ABCF2: variants seen among roughly 807,000 people sequenced by gnomAD.
ABCF2 encodes ATP binding cassette subfamily F member 2.
A neutral mutation model predicts 76.9 loss-of-function variants in ABCF2; 37 were observed. That is an observed-to-expected ratio of 0.48 (90% confidence interval 0.37 to 0.63). The LOEUF is 0.63. Ranked by LOEUF, ABCF2 falls within the 30% of genes least tolerant of loss-of-function variation. The pLI, the probability that ABCF2 is intolerant of heterozygous loss-of-function variation, is 0.00. For synonymous variants in ABCF2, 299 were observed against 283.7 expected, an observed-to-expected ratio of 1.05 and a Z score of -0.54; for missense variants, 524 against 782.1, an observed-to-expected ratio of 0.67 and a Z score of 3.94.
chr7:151,221,747 G>C, intron 6 of ABCF2, 67 bp from the exon 7 acceptor site: 1 of 1,210,722 alleles, frequency 8.3e-7, no homozygotes, highest in Non-Finnish European at 1.2e-6. Flanking sequence ...CAGGTGAACT[G>C]AAAGTCAGGC....
chr7:151,217,160 T>C (rs1189624312), intron 11 of ABCF2, among the ~76,000 whole-genome samples: 1 of 152,212 alleles, frequency 6.6e-6, no homozygotes, highest in African/African-American at 2.4e-5. Flanking sequence ...TTTAGGATCA[T>C]GGGCAGCTGG....
At chr7:151,226,710 G>A in intron 1 of ABCF2, 1 of 413,422 alleles carries the variant, frequency 2.4e-6, no homozygotes, top group Non-Finnish European at 4.3e-6. Context: ...TCTTCCCACA[G>A]GCACCAGTCC....
Position 151,212,590 on chromosome 7 carries a change from G to T in ABCF2, c.*1464C>A. The T allele has an allele frequency of 1.4e-6, 1 of 711,148 alleles. No homozygotes were observed. Among genetic ancestry groups the T allele is most frequent in the Non-Finnish European group, 1.7e-6 (1 of 579,734 alleles). 44.1% of individuals were successfully genotyped at this position (711,148 alleles called of 1,614,324 possible). ...CTGCTCACTGCAGCCTCAACCTCCT[G>T]GGCTCAAGTGAGCCTCCTCTTATCA... On this transcript the variant is annotated 3_prime_UTR_variant, in exon 15 of 15. Transcript: ENST00000287844.
At chr7:151,226,839 C>T (rs1468735680) in intron 1 of ABCF2, 1 of 170,640 alleles carries the variant, frequency 5.9e-6, no homozygotes, top group African/African-American at 2.4e-5. Context: ...GCGCTCCGCA[C>T]TCAGCTAGCC....
At position 151,213,685 on chromosome 7, in the gene ABCF2, A is replaced by G; in HGVS notation, c.*369T>C. On this transcript the variant is annotated 3_prime_UTR_variant, in exon 15 of 15. Transcript: ENST00000287844. ...GGGGTACTCCTCCAACATCACCAAAACCCAGAAAACGAGGATCCTAAGCTC... is the reference window on the plus strand; with the variant it reads ...GGGGTACTCCTCCAACATCACCAAAGCCCAGAAAACGAGGATCCTAAGCTC... 9.6e-7 allele frequency: 1 copy of G among 1,037,434 alleles called. No individual in the cohort carries two copies. 64.3% of individuals were successfully genotyped at this position (1,037,434 alleles called of 1,614,324 possible).
At position 151,215,005 on chromosome 7, in the gene ABCF2, G is replaced by C. The variant is rs1802121844; in HGVS notation, c.1608C>G (p.His536Gln). 6.2e-7 allele frequency: 1 copy of C among 1,614,130 alleles called. No homozygotes were observed. Among genetic ancestry groups the C allele is most frequent in the Non-Finnish European group, 8.5e-7 (1 of 1,180,050 alleles). The change falls in exon 14 of 15, where the codon CAC (histidine) becomes CAG (glutamine). Residue 536 changes from histidine (H) to glutamine (Q), a missense_variant. Physicochemically the swap from His to Gln is conservative, Grantham distance 24 (BLOSUM62 0). This residue lies in a region of ABCF2 where 194 missense variants were observed against 348.6 expected (regional missense o/e 0.56). Coordinates refer to ENST00000287844, the MANE Select transcript of ABCF2 (RefSeq NM_007189.3). This position sits in a 1 kb window ranked among gnomAD's most constrained non-coding sequence, Gnocchi z 4.6. Reference sequence around the variant, plus strand: ...TGGTGGGTTCATCCAGGAAGAGCATGTGGGGGTTCTGCCAGGCCAGCCAGG... The same window carrying C: ...TGGTGGGTTCATCCAGGAAGAGCATCTGGGGGTTCTGCCAGGCCAGCCAGG... ...CLAWLAWQNP[H>Q]MLFLDEPTNH...
intron 5 of ABCF2, 91 bp from the exon 6 acceptor site, chr7:151,222,707 A>G: frequency 1.0e-6 from 1 of 994,166 alleles, no homozygotes; most frequent in Non-Finnish European, 1.5e-6. Context: ...TGCAATTCTG[A>G]GTAGGCTCCT....
At chr7:151,218,538 C>T (rs1288285036) in intron 10 of ABCF2, 23 bp downstream of exon 10, 20 of 1,603,818 alleles carry the variant, frequency 1.2e-5, no homozygotes, top group Admixed American at 1.7e-5. Flanking sequence ...ACCCCAGCCA[C>T]CCATGCCCTG....
At chr7:151,225,273 T>C (rs1275448721) in intron 2 of ABCF2, among the ~76,000 whole-genome samples, 1 of 152,246 alleles carries the variant, frequency 6.6e-6, no homozygotes, top group Non-Finnish European at 1.5e-5. Flanking sequence ...TTCTAATTGC[T>C]TTCTAAGTCC....
rs1454841447 is a variant in ABCF2 at position 151,215,038 on chromosome 7, C to T, written c.1575G>A (p.Val525=). Reference sequence around the variant, plus strand: ...TCTGCCAGGCCAGCCAGGCCAGACACACTCGGCACTTCTGCCCGTCTGACA... The same window carrying T: ...TCTGCCAGGCCAGCCAGGCCAGACATACTCGGCACTTCTGCCCGTCTGACA... ...RNLSDGQKCR[V]CLAWLAWQNP... is the part of the protein sequence containing the mutation. The change falls in exon 14 of 15, where the codon GTG becomes GTA. Residue 525 remains valine (V), a synonymous_variant. Coordinates refer to ENST00000287844, the MANE Select transcript of ABCF2 (RefSeq NM_007189.3). The surrounding 1 kb of genome is among the most constrained non-coding windows in gnomAD (Gnocchi z 4.6). 1 of 1,614,176 alleles carries T rather than the reference C, an allele frequency of 6.2e-7. No individual in the cohort carries two copies. Among genetic ancestry groups the T allele is most frequent in the East Asian group, 2.2e-5 (1 of 44,884 alleles).
At position 151,224,010 on chromosome 7, in the gene ABCF2, G is replaced by A. The variant is rs201610279; in HGVS notation, c.472C>T (p.Pro158Ser). 1.2e-5 allele frequency: 19 copies of A among 1,614,164 alleles called. No homozygotes were observed. In the Admixed American group the frequency reaches 3.2e-4, roughly 27 times the overall value. Reference sequence around the variant, plus strand: ...TCGACTTCCATCACACAATGCAAGGGTGTCTTGTCACTAGGGGGCATCTCT... The same window carrying A: ...TCGACTTCCATCACACAATGCAAGGATGTCTTGTCACTAGGGGGCATCTCT... Reference protein sequence around the residue: ...TREMPPSDKTPLHCVMEVDTE... With the variant: ...TREMPPSDKTSLHCVMEVDTE... The change falls in exon 4 of 15, where the codon CCC (proline) becomes TCC (serine). Residue 158 changes from proline (P) to serine (S), a missense_variant. Pro to Ser is a moderately conservative substitution (Grantham distance 74, BLOSUM62 -1). Coordinates refer to ENST00000287844, the MANE Select transcript of ABCF2 (RefSeq NM_007189.3).
intron 10 of ABCF2, 97 bp downstream of exon 10, chr7:151,218,464 C>A (rs1200612483): frequency 2.7e-5 from 30 of 1,108,282 alleles, no homozygotes; most frequent in Non-Finnish European, 3.7e-5. Flanking sequence ...AGCACGTGGG[C>A]TAGCAGGTGT....
Position 151,213,970 on chromosome 7 carries a change from C to G in ABCF2, c.*84G>C. 1 of 1,568,354 alleles carries G rather than the reference C, an allele frequency of 6.4e-7. No individual in the cohort carries two copies. The highest frequency in any genetic ancestry group is 8.6e-7 in the Non-Finnish European group (1 of 1,162,012). ...ATTGCAGCAATGCAGGAGTGTAGCCCCAGGGTCCTGTCCTGAGCGGCTGGT... is the reference window on the plus strand; with the variant it reads ...ATTGCAGCAATGCAGGAGTGTAGCCGCAGGGTCCTGTCCTGAGCGGCTGGT... On this transcript the variant is annotated 3_prime_UTR_variant, in exon 15 of 15. Transcript: ENST00000287844.
chr7:151,214,909 C>T lies in ABCF2; in HGVS notation c.1704G>A (p.Leu568=). The T allele has an allele frequency of 6.2e-7, 1 of 1,614,214 alleles. No homozygotes were observed. Residue 568 remains leucine, a synonymous_variant, in exon 14 of 15, where the codon CTG becomes CTA. Transcript: ENST00000287844. The surrounding 1 kb of genome is among the most constrained non-coding windows in gnomAD (Gnocchi z 4.9). ...AINEFEGGMM[L]VSHDFRLIQQ... ...GAATGAGTCTGAAGTCATGGCTGAC[C>T]AGCATCATACCACCCTCAAACTCAT...
At chr7:151,224,158 T>C (rs1802329437) in intron 3 of ABCF2, 44 bp from the exon 4 acceptor site, 1 of 1,594,678 alleles carries the variant, frequency 6.3e-7, no homozygotes. Flanking sequence ...TGAACTCCCC[T>C]ATCCCTCTTC....
intron 10 of ABCF2, 94 bp from the exon 11 acceptor site, chr7:151,218,285 AGAG>A (rs1367232327): frequency 1.8e-5 from 17 of 926,868 alleles, no homozygotes; most frequent in Non-Finnish European, 2.9e-5. Context: ...AGTCACCAAG[AGAG>A]GAGGAAGGGA....
rs138085673 is a variant in ABCF2, at chr7:151,213,491, AGAAG to A, written c.*559_*562del. On this transcript the variant is annotated 3_prime_UTR_variant, in exon 15 of 15. Coordinates refer to ENST00000287844, the MANE Select transcript of ABCF2 (RefSeq NM_007189.3). The stretch of plus-strand genomic sequence containing the variant: ...GGGAGGAGAAGGCCCCAGAGACCCG[AGAAG>A]GAAGGTAGGGACCGTGGCTTCCTCT... 1.0e-6 allele frequency: 1 copy of A among 985,784 alleles called. No individual in the cohort carries two copies. Among genetic ancestry groups the A allele is most frequent in the East Asian group, 1.1e-4 (1 of 8,814 alleles). 61.1% of individuals were successfully genotyped at this position (985,784 alleles called of 1,614,324 possible). A position where few individuals can be genotyped will look rare whatever the true frequency, so the allele number is the denominator to read the frequency against.
chr7:151,218,688 T>C, intron 9 of ABCF2, 38 bp from the exon 10 acceptor site: 1 of 1,613,540 alleles, frequency 6.2e-7, no homozygotes, highest in Non-Finnish European at 8.5e-7. Context: ...GTTGGCTCCT[T>C]TCTTATCCAC....
At position 151,215,796 on chromosome 7, in the gene ABCF2, G is replaced by A; in HGVS notation, c.1402-64C>T. ...TCCCGCTTCAAAATAAACCCTACTA[G>A]GTAACTTCCTATTTCTATCCCAGGC... On this transcript the variant is annotated intron_variant, in intron 12 of 14. Coordinates refer to ENST00000287844, the MANE Select transcript of ABCF2 (RefSeq NM_007189.3). This position sits in a 1 kb window ranked among gnomAD's most constrained non-coding sequence, Gnocchi z 4.6. 1 of 1,610,282 alleles carries A rather than the reference G, an allele frequency of 6.2e-7. No homozygotes were observed. Among genetic ancestry groups the A allele is most frequent in the East Asian group, 2.2e-5 (1 of 44,840 alleles).
Sources: allele counts gnomAD v4.1 joint callset (sites outside exome capture counted in the v4.1 genomes callset), GRCh38; gene constraint gnomAD v4.1.1; regional missense constraint gnomAD v4.1.1; non-coding constraint Gnocchi (gnomAD v3.1); transcripts MANE v1.5; gene names NCBI Gene and HGNC (gene_info 2026-07-23, HGNC 2026-07-21).